USP47: variants seen among roughly 807,000 people sequenced by gnomAD.
USP47 encodes the protein ubiquitin specific peptidase 47, also known as ubiquitin carboxyl-terminal hydrolase 47.
In USP47, 35 loss-of-function variants were observed where a neutral mutation model predicts 165.1. The ratio of observed to expected loss-of-function variants is 0.21; its 90% CI spans 0.16 to 0.28. The LOEUF (loss-of-function observed/expected upper bound fraction) is 0.28. USP47 is among the 10% of genes least tolerant of loss of function. The pLI, the probability that USP47 is intolerant of heterozygous loss-of-function variation, is 1.00. For missense variants in USP47, 1,277 were observed against 1,607.4 expected, an observed-to-expected ratio of 0.79 and a Z score of 3.52; for synonymous variants, 531 against 544.5, an observed-to-expected ratio of 0.98 and a Z score of 0.35.
At chr11:11,907,326 G>T (rs2134480980) in intron 8 of USP47, among the ~76,000 whole-genome samples, 1 of 152,272 alleles carries the variant, frequency 6.6e-6, no homozygotes, top group East Asian at 1.9e-4. Flanking sequence ...ATGTGAGCAG[G>T]TTTATAACAC....
Position 11,902,804 on chromosome 11 carries a change from A to G in USP47, c.683A>G (p.Lys228Arg), listed in dbSNP as rs1852311385. ...TTTGTTTTGTTACAAACCAGCAAAA[A>G]GAGAGCAATTGAAACCACAGATGTT... ...RLFVLLQTSKKRAIETTDVTR... is the reference protein window; with the variant it reads ...RLFVLLQTSKRRAIETTDVTR... Residue 228 changes from lysine (K) to arginine (R), a missense_variant, in exon 6 of 28, where the codon AAG (lysine) becomes AGG (arginine). Physicochemically the swap from Lys to Arg is conservative, Grantham distance 26. Around this residue, in one of 4 missense-constraint regions of USP47, gnomAD observed 175 missense variants for 295.8 expected, o/e 0.59. Coordinates refer to ENST00000527733, the MANE Select transcript of USP47 (RefSeq NM_001282659.2). The G allele has an allele frequency of 1.2e-6, 2 of 1,603,938 alleles. No homozygotes were observed. The highest frequency in any genetic ancestry group is 1.7e-6 in the Non-Finnish European group (2 of 1,174,472).
intron 1 of USP47, among the ~76,000 whole-genome samples, chr11:11,879,103 A>G (rs1006975942): frequency 2.6e-5 from 4 of 152,198 alleles, no homozygotes; most frequent in East Asian, 1.9e-4. Context: ...AGATTTGTAT[A>G]TCAGAAATAC....
chr11:11,869,919 C>T (rs1191229102), intron 1 of USP47, among the ~76,000 whole-genome samples: 1 of 152,156 alleles, frequency 6.6e-6, no homozygotes. Context: ...TTGCCAGATG[C>T]TGGCATCTTG....
At position 11,918,096 on chromosome 11, in the gene USP47, A is replaced by G. The variant is rs536684877; in HGVS notation, c.970-2060A>G. On this transcript the variant is annotated intron_variant, in intron 8 of 27. Transcript: ENST00000527733. ...TACCTTGACCAGATAATTAAAGCTA[A>G]TATCACCAAAGAGAAAGTTAGGTAC... 3.3e-5 allele frequency among the ~76,000 whole-genome samples: 5 copies of G among 152,286 alleles called. No homozygotes were observed. In the South Asian group the frequency reaches 6.2e-4, roughly 19 times the overall value.
intron 5 of USP47, among the ~76,000 whole-genome samples, chr11:11,901,840 T>G (rs1476125725): frequency 6.6e-6 from 1 of 150,890 alleles, no homozygotes; most frequent in Non-Finnish European, 1.5e-5. Context: ...ATGTGTATAA[T>G]CCCAGCTACT....
intron 11 of USP47, among the ~76,000 whole-genome samples, chr11:11,924,732 G>A (rs533077710): frequency 7.9e-5 from 12 of 152,048 alleles, no homozygotes; most frequent in South Asian, 4.1e-4. Flanking sequence ...TATCAAACTT[G>A]GGGGCATAGA....
At chr11:11,905,059 G>A (rs553517014) in intron 7 of USP47, among the ~76,000 whole-genome samples, 61 of 151,920 alleles carry the variant, frequency 4.0e-4, no homozygotes, top group African/African-American at 1.4e-3. Flanking sequence ...ATAATTTGAG[G>A]CTTAATTGGT....
intron 24 of USP47, chr11:11,950,868 C>G (rs1376217398): frequency 6.5e-6 from 1 of 153,402 alleles, no homozygotes; most frequent in Non-Finnish European, 1.4e-5. Flanking sequence ...TTTAAGAAAA[C>G]TCTGCTAATA....
Position 11,902,574 on chromosome 11 carries a change from A to C in USP47, c.594-141A>C, listed in dbSNP as rs150154625. Reference sequence around the variant, plus strand: ...TAGGGAAACACTAATGTTTCATTAGATATTATTAGTTTCAATTAGCATTCA... The same window carrying C: ...TAGGGAAACACTAATGTTTCATTAGCTATTATTAGTTTCAATTAGCATTCA... On this transcript the variant is annotated intron_variant, in intron 5 of 27. Coordinates refer to ENST00000527733, the MANE Select transcript of USP47 (RefSeq NM_001282659.2). The C allele has an allele frequency of 8.0e-3, 4,281 of 534,546 alleles. 39 individuals carry two copies. The highest frequency in any genetic ancestry group is 7.0e-3 in the Non-Finnish European group (2,394 of 340,300). 33.1% of individuals were successfully genotyped at this position (534,546 alleles called of 1,614,324 possible). A position where few individuals can be genotyped will look rare whatever the true frequency, so the allele number is the denominator to read the frequency against.
chr11:11,856,936 G>A (rs1005938106), intron 1 of USP47: 9 of 152,204 alleles, frequency 5.9e-5, no homozygotes, highest in African/African-American at 1.4e-4. Flanking sequence ...AGCTAAAGGT[G>A]ACACCGTGCT....
chr11:11,861,637 C>T (rs1296450517), intron 1 of USP47, among the ~76,000 whole-genome samples: 1 of 151,984 alleles, frequency 6.6e-6, no homozygotes, highest in Non-Finnish European at 1.5e-5. Context: ...TTTTAATATA[C>T]TGTGGGGTTC....
At chr11:11,900,206 T>C (rs1000950404) in intron 5 of USP47, among the ~76,000 whole-genome samples, 4 of 145,444 alleles carry the variant, frequency 2.8e-5, no homozygotes, top group African/African-American at 7.7e-5. Context: ...TCGCCCAGGC[T>C]GGAGTGCAGT....
intron 1 of USP47, among the ~76,000 whole-genome samples, chr11:11,862,438 TTCTTG>T (rs1457676851): frequency 5.9e-5 from 9 of 151,846 alleles, no homozygotes; most frequent in African/African-American, 2.2e-4. Flanking sequence ...TTTTTTCATG[TTCTTG>T]TTGTGTCTTT....
At chr11:11,917,573 T>C (rs1590372924) in intron 8 of USP47, among the ~76,000 whole-genome samples, 1 of 136,726 alleles carries the variant, frequency 7.3e-6, no homozygotes, top group East Asian at 2.2e-4. Context: ...CACAGACTGT[T>C]GTGTGGGTGG....
intron 8 of USP47, among the ~76,000 whole-genome samples, chr11:11,913,567 C>T (rs1365111215): frequency 1.3e-5 from 2 of 151,900 alleles, no homozygotes; most frequent in Admixed American, 1.3e-4. Context: ...TAAAGCTGAT[C>T]TCATGAAGGT....
At chr11:11,947,873 G>T in intron 20 of USP47, 72 bp from the exon 21 acceptor site, 5 of 1,461,916 alleles carry the variant, frequency 3.4e-6, no homozygotes, top group Non-Finnish European at 2.8e-6. Context: ...AAAAGTATAT[G>T]ATCTGTTTTA....
At chr11:11,856,489 A>G (rs1849046317) in intron 1 of USP47, 1 of 152,214 alleles carries the variant, frequency 6.6e-6, no homozygotes, top group Admixed American at 6.5e-5. Flanking sequence ...CATTTTCTAC[A>G]TATGAGTCTT....
chr11:11,857,517 GA>G (rs1483323827), intron 1 of USP47, among the ~76,000 whole-genome samples: 1 of 152,124 alleles, frequency 6.6e-6, no homozygotes, highest in East Asian at 1.9e-4. Context: ...AAGAAAAGTA[GA>G]CGTGACACAA....
intron 3 of USP47, among the ~76,000 whole-genome samples, chr11:11,891,602 T>C (rs137982482): frequency 3.8e-4 from 58 of 152,338 alleles, no homozygotes; most frequent in African/African-American, 1.3e-3. Flanking sequence ...TTAATCCTTT[T>C]CAGCATCTTC....
Sources: allele counts gnomAD v4.1 joint callset (sites outside exome capture counted in the v4.1 genomes callset), GRCh38; gene constraint gnomAD v4.1.1; regional missense constraint gnomAD v4.1.1; transcripts MANE v1.5; gene names NCBI Gene and HGNC (gene_info 2026-07-23, HGNC 2026-07-21).